The following PDE8A variants were observed in gnomAD, a reference collection of about 807,000 sequenced individuals.
PDE8A encodes the protein high affinity cAMP-specific and IBMX-insensitive 3',5'-cyclic phosphodiesterase 8A.
A neutral mutation model predicts 105.0 loss-of-function variants in PDE8A; 59 were observed. That is an observed-to-expected ratio of 0.56 (90% CI 0.46 to 0.70). PDE8A has a LOEUF of 0.70. PDE8A is among the 30% of genes least tolerant of loss of function. PDE8A has a pLI of 0.00. For synonymous variants in PDE8A, 355 were observed against 371.9 expected (o/e 0.95, Z 0.52); for missense variants, 1,014 against 1,045.9 (o/e 0.97, Z 0.42).
intron 12 of PDE8A, among the ~76,000 whole-genome samples, chr15:85,111,893 A>C (rs77133739): frequency 0.024 from 3,648 of 152,298 alleles, 120 homozygotes; most frequent in African/African-American, 0.073. Context: ...AAATCATACA[A>C]ATCTTTAATT....
intron 1 of PDE8A, among the ~76,000 whole-genome samples, chr15:85,050,597 C>G (rs1458264047): frequency 6.6e-6 from 1 of 152,176 alleles, no homozygotes. Context: ...ATGTTCTTGG[C>G]TCCCTTGTTA....
chr15:85,089,413 A>T lies in PDE8A; in HGVS notation c.711A>T (p.Ile237=), dbSNP rs1351222321. Residue 237 remains isoleucine, a synonymous_variant, in exon 7 of 22, where the codon ATA becomes ATT. Transcript: ENST00000394553. ...AIEITSEDRF[I]QYANPAFETT... is the part of the protein sequence containing the mutation. ...AAATTACAAGCGAAGACCGTTTTAT[A>T]CAGGTTTGTTATTTTGGAAATCTGT... 6.4e-7 allele frequency: 1 copy of T among 1,556,220 alleles called. No homozygotes were observed.
At chr15:85,014,277 G>C (rs955391341) in intron 1 of PDE8A, among the ~76,000 whole-genome samples, 4 of 152,158 alleles carry the variant, frequency 2.6e-5, no homozygotes, top group African/African-American at 9.7e-5. Flanking sequence ...CTCCCGAGGA[G>C]TTGGAAGTAC....
chr15:85,023,297 A>G (rs527450213), intron 1 of PDE8A, among the ~76,000 whole-genome samples: 3 of 152,332 alleles, frequency 2.0e-5, no homozygotes, highest in African/African-American at 4.8e-5. Flanking sequence ...GGTAGAGACC[A>G]TGAATTCTTG....
rs548160002 is a variant in PDE8A, at chr15:85,020,077, G to A, written c.186+37729G>A. Among the ~76,000 whole-genome samples the A allele has an allele frequency of 2.0e-5, 3 of 150,256 alleles. No individual in the cohort carries two copies. The East Asian group carries it at 6.0e-4, about 30-fold the overall frequency. ...TGGAGCCACCAGTAAAGTCAGAAAT[G>A]AGTCAAAGAAGGAGGTTTATGGTTG... On this transcript the variant is annotated intron_variant, in intron 1 of 21. Coordinates refer to ENST00000394553, the MANE Select transcript of PDE8A (RefSeq NM_002605.3).
At chr15:85,003,897 T>C (rs758055408) in intron 1 of PDE8A, among the ~76,000 whole-genome samples, 6 of 152,192 alleles carry the variant, frequency 3.9e-5, no homozygotes, top group Non-Finnish European at 7.3e-5. Flanking sequence ...TGTGGCTCTT[T>C]TATCTTCAAC....
chr15:85,018,060 G>A (rs772272095), intron 1 of PDE8A, among the ~76,000 whole-genome samples: 3 of 151,986 alleles, frequency 2.0e-5, no homozygotes, highest in Non-Finnish European at 4.4e-5. Flanking sequence ...TTTGATGAGC[G>A]TTTCAAAACA....
chr15:85,131,824 T>A (rs1262422542), intron 20 of PDE8A, among the ~76,000 whole-genome samples: 1 of 152,180 alleles, frequency 6.6e-6, no homozygotes, highest in African/African-American at 2.4e-5. Context: ...TCTAGGAATG[T>A]CTTAATTCCT....
chr15:84,994,081 C>T (rs2079936299), intron 1 of PDE8A, among the ~76,000 whole-genome samples: 1 of 152,196 alleles, frequency 6.6e-6, no homozygotes, highest in African/African-American at 2.4e-5. Flanking sequence ...TACTTCCCCT[C>T]TCTGTGCTAT....
At chr15:85,109,987 A>C (rs2081998018) in intron 12 of PDE8A, among the ~76,000 whole-genome samples, 1 of 151,758 alleles carries the variant, frequency 6.6e-6, no homozygotes, top group Non-Finnish European at 1.5e-5. Flanking sequence ...AGCTTCATCT[A>C]CTCTCTGTGT....
chr15:85,004,024 T>G lies in PDE8A; in HGVS notation c.186+21676T>G, dbSNP rs2080106691. 2.0e-5 allele frequency among the ~76,000 whole-genome samples: 3 copies of G among 152,212 alleles called. No homozygotes were observed. The South Asian group carries it at 6.2e-4, about 31-fold the overall frequency. ...CGGCCAGGTCTAGAAGTGGTCCATG[T>G]CAGATTACTTACTTTCCATTGGCCA... On this transcript the variant is annotated intron_variant, in intron 1 of 21. Coordinates refer to ENST00000394553, the MANE Select transcript of PDE8A (RefSeq NM_002605.3).
At chr15:85,017,899 A>AAAAAAAAAAAAAAAAAAAAAAAT (rs10525874) in intron 1 of PDE8A, among the ~76,000 whole-genome samples, 1 of 150,280 alleles carries the variant, frequency 6.7e-6, no homozygotes. Context: ...AAAAAAAAAA[A>AAAAAAAAAAAAAAAAAAAAAAAT]GCAATAGTGG....
intron 1 of PDE8A, among the ~76,000 whole-genome samples, chr15:85,040,839 G>T (rs1005290672): frequency 6.6e-6 from 1 of 152,286 alleles, no homozygotes; most frequent in South Asian, 2.1e-4. Context: ...GATTACAGGC[G>T]TGAACCACCA....
At chr15:85,083,891 A>G (rs2081506576) in intron 6 of PDE8A, among the ~76,000 whole-genome samples, 1 of 152,184 alleles carries the variant, frequency 6.6e-6, no homozygotes, top group African/African-American at 2.4e-5. Context: ...TAAAAAGCAG[A>G]ATACAAACTG....
intron 12 of PDE8A, among the ~76,000 whole-genome samples, chr15:85,110,063 G>A (rs1292681407): frequency 6.6e-6 from 1 of 152,182 alleles, no homozygotes; most frequent in Non-Finnish European, 1.5e-5. Flanking sequence ...TTTGCTGTCT[G>A]CAGAGGATTG....
intron 2 of PDE8A, among the ~76,000 whole-genome samples, chr15:85,065,033 A>G (rs993271981): frequency 6.6e-6 from 1 of 152,094 alleles, no homozygotes. Flanking sequence ...AATTGTATGT[A>G]TGTACATGTA....
chr15:85,023,442 A>G (rs943614303), intron 1 of PDE8A, among the ~76,000 whole-genome samples: 4 of 152,160 alleles, frequency 2.6e-5, no homozygotes, highest in Admixed American at 6.5e-5. Flanking sequence ...CCAGGGAGGT[A>G]GGAGAACAGA....
At chr15:85,094,434 A>G (rs529550284) in intron 8 of PDE8A, among the ~76,000 whole-genome samples, 1 of 152,230 alleles carries the variant, frequency 6.6e-6, no homozygotes, top group South Asian at 2.1e-4. Flanking sequence ...GTCCCTCAGA[A>G]TGTTCCTTTG....
intron 1 of PDE8A, among the ~76,000 whole-genome samples, chr15:85,018,136 G>C (rs997902928): frequency 6.6e-6 from 1 of 152,160 alleles, no homozygotes; most frequent in Admixed American, 6.6e-5. Context: ...GCTAACTACA[G>C]GACTTTTGCA....
Sources: gnomAD v4.1 joint callset for allele counts (sites outside exome capture counted in the v4.1 genomes callset) on GRCh38, gnomAD v4.1.1 for gene constraint, MANE v1.5 for transcripts, NCBI Gene and HGNC (gene_info 2026-07-23, HGNC 2026-07-21) for gene names.